The following SLC24A3 variants were observed in gnomAD, a reference collection of about 807,000 sequenced individuals.
SLC24A3 encodes the protein sodium/potassium/calcium exchanger 3.
Under a neutral mutation model 75.8 loss-of-function variants are expected in SLC24A3, and 28 were observed. That is an observed-to-expected ratio of 0.37 (90% CI 0.27 to 0.51). The LOEUF is 0.51. Among genes scored for constraint, SLC24A3 ranks in the 20% least tolerant of loss-of-function variants. The pLI is 0.94. For missense variants in SLC24A3, 663 were observed against 847.8 expected (o/e 0.78, Z 2.71); for synonymous variants, 372 against 334.1 (o/e 1.11, Z -1.24).
At chr20:19,239,991 C>G (rs1982283834) in intron 1 of SLC24A3, among the ~76,000 whole-genome samples, 1 of 152,136 alleles carries the variant, frequency 6.6e-6, no homozygotes, top group Non-Finnish European at 1.5e-5. Flanking sequence ...TGCAGGCTGC[C>G]CAACCCCAAG....
chr20:19,279,607 T>A (rs1224767815), intron 1 of SLC24A3, among the ~76,000 whole-genome samples: 2 of 152,202 alleles, frequency 1.3e-5, no homozygotes, highest in Non-Finnish European at 2.9e-5. Flanking sequence ...CTCTGTCTCC[T>A]CTCTGAAGGA....
At chr20:19,596,497 A>G (rs1480869349) in intron 6 of SLC24A3, among the ~76,000 whole-genome samples, 1 of 152,238 alleles carries the variant, frequency 6.6e-6, no homozygotes, top group Non-Finnish European at 1.5e-5. Context: ...TATCCAACAC[A>G]TTCTGAGGTT....
chr20:19,513,021 G>T (rs758632658), intron 2 of SLC24A3, among the ~76,000 whole-genome samples: 10 of 152,156 alleles, frequency 6.6e-5, no homozygotes, highest in Non-Finnish European at 1.3e-4. Context: ...CCAGCTCTGA[G>T]ACTAGGAGAA....
intron 2 of SLC24A3, among the ~76,000 whole-genome samples, chr20:19,398,132 G>A (rs915064410): frequency 7.9e-5 from 12 of 151,968 alleles, no homozygotes; most frequent in African/African-American, 2.7e-4. Flanking sequence ...TTTGACTTAT[G>A]ATTTTACTTG....
chr20:19,672,918 C>T (rs2122728989), intron 8 of SLC24A3, among the ~76,000 whole-genome samples: 1 of 152,312 alleles, frequency 6.6e-6, no homozygotes, highest in Admixed American at 6.5e-5. Flanking sequence ...AAATTACTCC[C>T]TCAATGAGCT....
chr20:19,328,459 A>G (rs1414533985), intron 2 of SLC24A3, among the ~76,000 whole-genome samples: 1 of 152,234 alleles, frequency 6.6e-6, no homozygotes, highest in East Asian at 1.9e-4. Flanking sequence ...GGCTCAGTTC[A>G]GAGCAGTAAC....
chr20:19,453,340 G>T (rs961431454), intron 2 of SLC24A3, among the ~76,000 whole-genome samples: 17 of 152,218 alleles, frequency 1.1e-4, no homozygotes, highest in Non-Finnish European at 2.2e-4. Context: ...GGGTGGCAGA[G>T]TCAGACCCTG....
chr20:19,484,418 A>G (rs887114501), intron 2 of SLC24A3, among the ~76,000 whole-genome samples: 1 of 152,182 alleles, frequency 6.6e-6, no homozygotes. Flanking sequence ...TTGACACAAA[A>G]AATTTTAGAT....
At chr20:19,594,404 G>T (rs3827996) in intron 6 of SLC24A3, among the ~76,000 whole-genome samples, 57,552 of 151,918 alleles carry the variant, frequency 0.38, 11,074 homozygotes, top group Middle Eastern at 0.45. Flanking sequence ...AGGCCTGTCT[G>T]TACACAATAA....
intron 2 of SLC24A3, among the ~76,000 whole-genome samples, chr20:19,383,908 C>A (rs901081704): frequency 1.3e-5 from 2 of 152,206 alleles, no homozygotes; most frequent in South Asian, 4.1e-4. Context: ...TCTCCTAACA[C>A]CATCACCTTG....
chr20:19,467,864 G>A (rs1399297651), intron 2 of SLC24A3, among the ~76,000 whole-genome samples: 1 of 147,982 alleles, frequency 6.8e-6, no homozygotes, highest in Non-Finnish European at 1.5e-5. Context: ...CTGGGTGACA[G>A]AGTGGGACCC....
chr20:19,347,474 A>T (rs1985453267), intron 2 of SLC24A3, among the ~76,000 whole-genome samples: 1 of 152,188 alleles, frequency 6.6e-6, no homozygotes, highest in Non-Finnish European at 1.5e-5. Context: ...TTATCGGGGG[A>T]GCATTTGGGA....
At chr20:19,362,859 T>A (rs1985816277) in intron 2 of SLC24A3, among the ~76,000 whole-genome samples, 1 of 152,194 alleles carries the variant, frequency 6.6e-6, no homozygotes, top group Admixed American at 6.5e-5. Context: ...TGCCTTATGC[T>A]TTTGGGTGTC....
At chr20:19,479,994 A>T (rs1201433375) in intron 2 of SLC24A3, among the ~76,000 whole-genome samples, 1 of 152,220 alleles carries the variant, frequency 6.6e-6, no homozygotes, top group Admixed American at 6.5e-5. Context: ...CCTTCCCTCT[A>T]TCAAAAGGGA....
intron 6 of SLC24A3, among the ~76,000 whole-genome samples, chr20:19,635,822 C>T (rs889471206): frequency 2.0e-5 from 3 of 152,108 alleles, no homozygotes; most frequent in South Asian, 2.1e-4. Context: ...CAGCTTAGGG[C>T]TCTGAGAGTA....
chr20:19,437,133 G>C (rs1256758500), intron 2 of SLC24A3, among the ~76,000 whole-genome samples: 1 of 152,152 alleles, frequency 6.6e-6, no homozygotes, highest in African/African-American at 2.4e-5. Context: ...GGGGAGAGAG[G>C]ATACATAAGA....
At chr20:19,665,562 C>T (rs1388834030) in intron 7 of SLC24A3, among the ~76,000 whole-genome samples, 1 of 152,306 alleles carries the variant, frequency 6.6e-6, no homozygotes, top group African/African-American at 2.4e-5. Flanking sequence ...AGTCACACTT[C>T]CCTGTCACTC....
At chr20:19,372,732 G>A (rs1180214720) in intron 2 of SLC24A3, among the ~76,000 whole-genome samples, 2 of 152,196 alleles carry the variant, frequency 1.3e-5, no homozygotes, top group Admixed American at 6.5e-5. Flanking sequence ...GTGATGGAGC[G>A]GGAGGAAAGG....
At chr20:19,250,180 G>A (rs1458877710) in intron 1 of SLC24A3, among the ~76,000 whole-genome samples, 1 of 152,196 alleles carries the variant, frequency 6.6e-6, no homozygotes, top group Admixed American at 6.5e-5. Flanking sequence ...TTAAATTGCT[G>A]TCATTTTTGG....
Sources: allele counts gnomAD v4.1 joint callset (sites outside exome capture counted in the v4.1 genomes callset), GRCh38; gene constraint gnomAD v4.1.1; transcripts MANE v1.5; gene names NCBI Gene and HGNC (gene_info 2026-07-23, HGNC 2026-07-21).